Variants in ERBB4 observed in about 807,000 individuals in gnomAD.
ERBB4 encodes the protein receptor tyrosine-protein kinase erbB-4.
Under a neutral mutation model 158.0 loss-of-function variants are expected in ERBB4, and 42 were observed. The ratio of observed to expected loss-of-function variants is 0.27; its 90% CI spans 0.21 to 0.34. The LOEUF (loss-of-function observed/expected upper bound fraction) is 0.34, where lower values mean the gene tolerates loss of function less well. Ranked by LOEUF, ERBB4 falls within the 10% of genes least tolerant of loss-of-function variation. ERBB4 has a pLI of 1.00. For missense variants in ERBB4, 1,333 were observed against 1,624.1 expected (o/e 0.82, Z 3.08); for synonymous variants, 583 against 558.7 (o/e 1.04, Z -0.61).
At chr2:212,424,422 C>T (rs892052957) in intron 1 of ERBB4, among the ~76,000 whole-genome samples, 13 of 152,062 alleles carry the variant, frequency 8.5e-5, no homozygotes, top group African/African-American at 3.1e-4. Flanking sequence ...CATATATCCA[C>T]ATATATCCAA....
At chr2:211,533,046 T>C (rs1246920896) in intron 20 of ERBB4, among the ~76,000 whole-genome samples, 5 of 147,680 alleles carry the variant, frequency 3.4e-5, no homozygotes, top group Non-Finnish European at 7.5e-5. Context: ...AAGTGGTTGC[T>C]ATTGGTTTTA....
chr2:211,638,016 G>A (rs1024390047), intron 16 of ERBB4, among the ~76,000 whole-genome samples: 5 of 151,706 alleles, frequency 3.3e-5, no homozygotes, highest in South Asian at 2.1e-4. Context: ...CTTCTCTTTC[G>A]ACTATCATTT....
chr2:211,767,568 C>T (rs35726292), intron 4 of ERBB4, among the ~76,000 whole-genome samples: 21,687 of 152,032 alleles, frequency 0.14, 1,760 homozygotes, highest in South Asian at 0.33. Context: ...TCCATGTGGC[C>T]GGGGAAGCCT....
intron 20 of ERBB4, among the ~76,000 whole-genome samples, chr2:211,513,387 A>T: frequency 6.7e-6 from 1 of 148,388 alleles, no homozygotes; most frequent in East Asian, 2.0e-4. Flanking sequence ...CAAAAAAAAA[A>T]CACTGATCCT....
chr2:211,622,222 T>C (rs1009372834), intron 18 of ERBB4, among the ~76,000 whole-genome samples: 1 of 152,190 alleles, frequency 6.6e-6, no homozygotes. Context: ...ATACAAACTT[T>C]AAGGATATAA....
intron 1 of ERBB4, among the ~76,000 whole-genome samples, chr2:212,155,601 G>A (rs1026667991): frequency 4.6e-5 from 7 of 152,010 alleles, no homozygotes; most frequent in African/African-American, 1.4e-4. Context: ...CCCAAGAAGC[G>A]AGAGGTTCTT....
rs140275436 is a variant in ERBB4, at chr2:212,135,147, A to G, written c.83-10244T>C. Among the ~76,000 whole-genome samples the G allele has an allele frequency of 6.9e-3, 1,056 of 152,294 alleles. 7 individuals carry two copies. The highest frequency in any genetic ancestry group is 0.024 in the Middle Eastern group (7 of 294). ...TATATATACTCCTATCTGCTGATCT[A>G]TCTAAAATTGAATTGATCTGTACTT... On this transcript the variant is annotated intron_variant, in intron 1 of 27. Coordinates refer to ENST00000342788, the MANE Select transcript of ERBB4 (RefSeq NM_005235.3).
chr2:212,319,886 C>G (rs1017363025), intron 1 of ERBB4, among the ~76,000 whole-genome samples: 1 of 150,238 alleles, frequency 6.7e-6, no homozygotes, highest in Admixed American at 6.6e-5. Flanking sequence ...AAGATAACTT[C>G]ATGTCGTTCC....
At chr2:212,256,017 TGG>T (rs5838312) in intron 1 of ERBB4, among the ~76,000 whole-genome samples, 7 of 142,002 alleles carry the variant, frequency 4.9e-5, no homozygotes, top group African/African-American at 1.0e-4. Flanking sequence ...TTTTTACAAA[TGG>T]GGGGGGGTCT....
intron 15 of ERBB4, among the ~76,000 whole-genome samples, chr2:211,662,306 T>C (rs536389789): frequency 1.3e-5 from 2 of 152,128 alleles, no homozygotes; most frequent in East Asian, 3.9e-4. Flanking sequence ...TCCCCACAAT[T>C]TAATTACATT....
At chr2:211,595,860 C>T (rs1480431787) in intron 19 of ERBB4, among the ~76,000 whole-genome samples, 2 of 152,082 alleles carry the variant, frequency 1.3e-5, no homozygotes, top group African/African-American at 2.4e-5. Context: ...CTTGAGTATG[C>T]GTGTATTTTG....
At chr2:211,625,116 G>A (rs1316016646) in intron 17 of ERBB4, among the ~76,000 whole-genome samples, 1 of 151,998 alleles carries the variant, frequency 6.6e-6, no homozygotes, top group African/African-American at 2.4e-5. Context: ...GTACCAAAAA[G>A]CCTGTATCCT....
At position 211,965,899 on chromosome 2, in the gene ERBB4, T is replaced by C. The variant is rs1397342560; in HGVS notation, c.235-18283A>G. 3.3e-5 allele frequency among the ~76,000 whole-genome samples: 5 copies of C among 152,278 alleles called. No homozygotes were observed. The South Asian group carries it at 8.3e-4, about 25-fold the overall frequency. ...ATTTATCTTTATCACATTTGAGAAATGTATGTCAATTTTTAAAAATATTTC... is the reference window on the plus strand; with the variant it reads ...ATTTATCTTTATCACATTTGAGAAACGTATGTCAATTTTTAAAAATATTTC... On this transcript the variant is annotated intron_variant, in intron 2 of 27. Coordinates refer to ENST00000342788, the MANE Select transcript of ERBB4 (RefSeq NM_005235.3).
chr2:212,367,825 G>T (rs184661411), intron 1 of ERBB4, among the ~76,000 whole-genome samples: 16 of 152,082 alleles, frequency 1.1e-4, no homozygotes, highest in African/African-American at 3.9e-4. Flanking sequence ...ACAAACATAT[G>T]AAAAAATGCT....
chr2:211,759,405 C>T (rs146604641), intron 4 of ERBB4, among the ~76,000 whole-genome samples: 1 of 152,260 alleles, frequency 6.6e-6, no homozygotes, highest in African/African-American at 2.4e-5. Flanking sequence ...CCATGTGCCT[C>T]ATAGTACATG....
chr2:212,095,467 TATAA>T (rs1425682030), intron 2 of ERBB4, among the ~76,000 whole-genome samples: 1 of 152,188 alleles, frequency 6.6e-6, no homozygotes, highest in Non-Finnish European at 1.5e-5. Context: ...ATCCAAGTTG[TATAA>T]ATGTTTTGGA....
chr2:212,140,173 A>AAAT (rs1235862032), intron 1 of ERBB4, among the ~76,000 whole-genome samples: 2 of 151,404 alleles, frequency 1.3e-5, no homozygotes, highest in East Asian at 3.9e-4. Context: ...TTCTGGTCTC[A>AAAT]AAAACTAAAA....
At chr2:211,387,889 A>G in intron 26 of ERBB4, 56 bp downstream of exon 26, 1 of 1,309,374 alleles carries the variant, frequency 7.6e-7, no homozygotes, top group Admixed American at 1.7e-5. Context: ...GAGAGGAAAC[A>G]TGGTAAGCAA....
chr2:212,513,534 C>T (rs979894845), intron 1 of ERBB4, among the ~76,000 whole-genome samples: 3 of 152,210 alleles, frequency 2.0e-5, no homozygotes, highest in Non-Finnish European at 4.4e-5. Flanking sequence ...TTTTCAAGGC[C>T]TGGCGTGGTG....
Sources: gnomAD v4.1 joint callset for allele counts (sites outside exome capture counted in the v4.1 genomes callset) on GRCh38, gnomAD v4.1.1 for gene constraint, MANE v1.5 for transcripts, NCBI Gene and HGNC (gene_info 2026-07-23, HGNC 2026-07-21) for gene names.